ZRANB3: variants seen among roughly 807,000 people sequenced by gnomAD.
ZRANB3 encodes zinc finger RANBP2-type containing 3.
Under a neutral mutation model 133.8 loss-of-function variants are expected in ZRANB3, and 125 were observed. That is an observed-to-expected ratio of 0.93 (90% CI 0.81 to 1.08). The LOEUF is 1.08. Ranked by LOEUF, ZRANB3 falls within the 50% of genes least tolerant of loss-of-function variation. The pLI is 0.00. For synonymous variants in ZRANB3, 387 were observed against 432.7 expected (o/e 0.89, Z 1.31); for missense variants, 1,229 against 1,275.5 (o/e 0.96, Z 0.56).
intron 19 of ZRANB3, among the ~76,000 whole-genome samples, chr2:135,206,772 AAAG>A (rs1300381858): frequency 6.6e-6 from 1 of 151,674 alleles, no homozygotes; most frequent in African/African-American, 2.4e-5. Flanking sequence ...AGGGAGAGGA[AAAG>A]AAGGATAGAA....
intron 12 of ZRANB3, among the ~76,000 whole-genome samples, chr2:135,265,005 C>G (rs994264548): frequency 4.7e-4 from 72 of 152,088 alleles, no homozygotes; most frequent in South Asian, 1.0e-3. Flanking sequence ...TGCCTCAGCC[C>G]CCCAAAGTGC....
intron 2 of ZRANB3, among the ~76,000 whole-genome samples, chr2:135,489,455 T>C (rs1692280742): frequency 6.6e-6 from 1 of 151,628 alleles, no homozygotes; most frequent in Non-Finnish European, 1.5e-5. Context: ...ACTTAAAGTA[T>C]AATAATAATA....
rs184385341 is a variant in ZRANB3 at position 135,357,359 on chromosome 2, G to A, written c.181-3731C>T. On this transcript the variant is annotated intron_variant, in intron 3 of 20. Coordinates refer to ENST00000264159, the MANE Select transcript of ZRANB3 (RefSeq NM_032143.4). ...CACCCAGGCTGGAGTGCAGTGGCATGATCTCGGCTCATTGCAATGTCTGCC... is the reference window on the plus strand; with the variant it reads ...CACCCAGGCTGGAGTGCAGTGGCATAATCTCGGCTCATTGCAATGTCTGCC... Among the ~76,000 whole-genome samples, 45 of 152,090 alleles carry A rather than the reference G, an allele frequency of 3.0e-4. 1 individual carries two copies. Among genetic ancestry groups the A allele is most frequent in the African/African-American group, 1.1e-3 (45 of 41,462 alleles).
intron 3 of ZRANB3, among the ~76,000 whole-genome samples, chr2:135,358,037 C>T (rs946036476): frequency 1.3e-5 from 2 of 152,250 alleles, no homozygotes; most frequent in Admixed American, 6.5e-5. Flanking sequence ...TAGAAGATGG[C>T]CCTTCTGGGG....
At chr2:135,294,288 A>G (rs1026261223) in intron 8 of ZRANB3, among the ~76,000 whole-genome samples, 9 of 152,182 alleles carry the variant, frequency 5.9e-5, no homozygotes, top group Non-Finnish European at 1.0e-4. Context: ...TTATTGGTCT[A>G]TTCAGGGATT....
intron 12 of ZRANB3, among the ~76,000 whole-genome samples, chr2:135,243,191 A>G (rs1177600504): frequency 1.3e-5 from 2 of 152,206 alleles, no homozygotes; most frequent in Non-Finnish European, 2.9e-5. Flanking sequence ...CAGATGACAC[A>G]ATGTTAGCTA....
chr2:135,352,042 G>C (rs577659237), intron 4 of ZRANB3, among the ~76,000 whole-genome samples: 2 of 152,202 alleles, frequency 1.3e-5, no homozygotes, highest in South Asian at 2.1e-4. Flanking sequence ...ATTTAAATAA[G>C]GTTTATCAGC....
intron 2 of ZRANB3, among the ~76,000 whole-genome samples, chr2:135,465,174 C>T (rs1690927695): frequency 6.6e-6 from 1 of 152,212 alleles, no homozygotes; most frequent in Non-Finnish European, 1.5e-5. Flanking sequence ...GATAATGAAT[C>T]CAAAGCGGAC....
intron 2 of ZRANB3, among the ~76,000 whole-genome samples, chr2:135,492,669 G>A (rs963370075): frequency 1.3e-5 from 2 of 152,088 alleles, no homozygotes; most frequent in African/African-American, 4.8e-5. Flanking sequence ...AATTTACAAA[G>A]AGAAAGTCAA....
chr2:135,203,220 C>G (rs1439479512), intron 19 of ZRANB3, among the ~76,000 whole-genome samples: 1 of 151,992 alleles, frequency 6.6e-6, no homozygotes, highest in Non-Finnish European at 1.5e-5. Context: ...ATATAAAATA[C>G]CAAGACTCCT....
intron 17 of ZRANB3, among the ~76,000 whole-genome samples, chr2:135,212,955 AATCTTGGC>A (rs1694161531): frequency 6.6e-6 from 1 of 152,154 alleles, no homozygotes; most frequent in African/African-American, 2.4e-5. Context: ...AGTGGCTGGT[AATCTTGGC>A]TACCATTCAA....
intron 5 of ZRANB3, among the ~76,000 whole-genome samples, chr2:135,346,907 C>A (rs948578606): frequency 6.6e-6 from 1 of 152,144 alleles, no homozygotes; most frequent in Non-Finnish European, 1.5e-5. Context: ...TTATCACCCC[C>A]CAAAAAACCT....
intron 2 of ZRANB3, among the ~76,000 whole-genome samples, chr2:135,422,693 A>G (rs1053459775): frequency 6.6e-6 from 1 of 152,182 alleles, no homozygotes; most frequent in Non-Finnish European, 1.5e-5. Context: ...AAATGACAGA[A>G]AAAGGTATTA....
At position 135,333,256 on chromosome 2, in the gene ZRANB3, A is replaced by C. The variant is rs1170401045; in HGVS notation, c.677+12294T>G. ...CCACAGAGAAAATATAAACTGTACA[A>C]GGCAAACTCTCAACTTCCTGCCATC... is the stretch of plus-strand genomic sequence containing the variant. On this transcript the variant is annotated intron_variant, in intron 6 of 20. Transcript: ENST00000264159. 2.6e-5 allele frequency among the ~76,000 whole-genome samples: 4 copies of C among 152,172 alleles called. 1 individual carries two copies. Among genetic ancestry groups the C allele is most frequent in the Non-Finnish European group, 5.9e-5 (4 of 68,028 alleles).
chr2:135,286,735 G>GTCCTTAGCCCACTTTTTGATGGGATTA (rs1681390391), intron 8 of ZRANB3, among the ~76,000 whole-genome samples: 3 of 151,898 alleles, frequency 2.0e-5, no homozygotes, highest in Non-Finnish European at 4.4e-5. Context: ...GTCTATTCAT[G>GTCCTTAGCCCACTTTTTGATGGGATTA]TCCTTAGCCC....
At chr2:135,503,830 G>A (rs111360473) in intron 2 of ZRANB3, among the ~76,000 whole-genome samples, 1 of 151,932 alleles carries the variant, frequency 6.6e-6, no homozygotes, top group Non-Finnish European at 1.5e-5. Context: ...TTACCCGGGT[G>A]TGGTGGCGTG....
intron 8 of ZRANB3, among the ~76,000 whole-genome samples, chr2:135,288,080 T>C (rs964127030): frequency 7.2e-5 from 11 of 152,206 alleles, no homozygotes; most frequent in Admixed American, 7.2e-4. Flanking sequence ...TTGTCATAGA[T>C]GGCTTTTATT....
intron 2 of ZRANB3, among the ~76,000 whole-genome samples, chr2:135,502,629 C>T (rs530728925): frequency 1.6e-4 from 25 of 152,292 alleles, no homozygotes; most frequent in South Asian, 6.2e-4. Flanking sequence ...CTTTCTACTC[C>T]GCCATAGTGA....
At chr2:135,315,272 T>C (rs1430859441) in intron 7 of ZRANB3, 87 bp downstream of exon 7, 11 of 1,230,070 alleles carry the variant, frequency 8.9e-6, no homozygotes. Flanking sequence ...AACCTTTCCT[T>C]CTGTGAAATA....
Sources: allele counts gnomAD v4.1 joint callset (sites outside exome capture counted in the v4.1 genomes callset), GRCh38; gene constraint gnomAD v4.1.1; transcripts MANE v1.5; gene names NCBI Gene and HGNC (gene_info 2026-07-23, HGNC 2026-07-21).